The following CFAP58 variants were observed in gnomAD, a reference collection of about 807,000 sequenced individuals.
CFAP58 encodes cilia and flagella associated protein 58.
CFAP58 carries 88 observed loss-of-function variants against 119.5 expected under a neutral mutation model. The observed-to-expected ratio is 0.74, with a 90% confidence interval of 0.62 to 0.88. The LOEUF (loss-of-function observed/expected upper bound fraction) is 0.88, where lower values mean the gene tolerates loss of function less well. Among genes scored for constraint, CFAP58 ranks in the 40% least tolerant of loss-of-function variants. The pLI is 0.00. For synonymous variants in CFAP58, 365 were observed against 366.3 expected, an observed-to-expected ratio of 1.00 and a Z score of 0.04; for missense variants, 990 against 1,021.2, an observed-to-expected ratio of 0.97 and a Z score of 0.42.
chr10:104,406,623 A>T, intron 14 of CFAP58, 66 bp from the exon 15 acceptor site: 1 of 1,257,208 alleles, frequency 8.0e-7, no homozygotes, highest in Non-Finnish European at 1.2e-6. Context: ...TGTGCATTTT[A>T]CATAGAGGCC....
In CFAP58 at chr10:104,368,952, T is replaced by C. The variant is rs182308516; in HGVS notation, c.930+392T>C. Among the ~76,000 whole-genome samples, 605 of 152,334 alleles carry C rather than the reference T, an allele frequency of 4.0e-3. 6 individuals are homozygous for C. The highest frequency in any genetic ancestry group is 0.014 in the African/African-American group (568 of 41,582). ...ATGGAATGGCTGGGAGAGAGACTGATACTACCTAGGGTCTACTTACAGGAT... is the reference window on the plus strand; with the variant it reads ...ATGGAATGGCTGGGAGAGAGACTGACACTACCTAGGGTCTACTTACAGGAT... On this transcript the variant is annotated intron_variant, in intron 6 of 17. Transcript: ENST00000369704.
chr10:104,442,841 G>A (rs2013060384), intron 15 of CFAP58, among the ~76,000 whole-genome samples: 1 of 152,202 alleles, frequency 6.6e-6, no homozygotes, highest in Non-Finnish European at 1.5e-5. Flanking sequence ...ATTGCTCGAA[G>A]TGATGGAACT....
At position 104,364,268 on chromosome 10, in the gene CFAP58, G is replaced by A. The variant is rs146318653; in HGVS notation, c.441-465G>A. Among the ~76,000 whole-genome samples, 4 of 152,166 alleles carry A rather than the reference G, an allele frequency of 2.6e-5. No individual in the cohort carries two copies. In the East Asian group the frequency reaches 7.7e-4, roughly 29 times the overall value. On this transcript the variant is annotated intron_variant, in intron 3 of 17. Transcript: ENST00000369704. Reference sequence around the variant, plus strand: ...AGTTTCCTAAATTGACATCTGCTTAGGATTAATTACCAGAGTTGACAATAG... The same window carrying A: ...AGTTTCCTAAATTGACATCTGCTTAAGATTAATTACCAGAGTTGACAATAG...
chr10:104,440,012 C>T (rs1282458652), intron 15 of CFAP58, among the ~76,000 whole-genome samples: 2 of 152,080 alleles, frequency 1.3e-5, no homozygotes, highest in African/African-American at 4.8e-5. Context: ...TTAGTAGAGA[C>T]GGGGTTTCAC....
Position 104,353,840 on chromosome 10 carries a change from G to T in CFAP58, c.-58G>T. 6.3e-7 allele frequency: 1 copy of T among 1,587,550 alleles called. No individual in the cohort carries two copies. The highest frequency in any genetic ancestry group is 8.6e-7 in the Non-Finnish European group (1 of 1,160,888). On this transcript the variant is annotated 5_prime_UTR_variant, in exon 1 of 18. Coordinates refer to ENST00000369704, the MANE Select transcript of CFAP58 (RefSeq NM_001008723.2). ...GCCTTTAGCTTCTTTCCCAGACTCCGGCCCAGCTCCTGCGATCTCCACAGC... is the reference window on the plus strand; with the variant it reads ...GCCTTTAGCTTCTTTCCCAGACTCCTGCCCAGCTCCTGCGATCTCCACAGC...
At chr10:104,437,992 G>C (rs142646846) in intron 15 of CFAP58, among the ~76,000 whole-genome samples, 134 of 152,190 alleles carry the variant, frequency 8.8e-4, no homozygotes, top group African/African-American at 3.1e-3. Flanking sequence ...ATGTGAACAG[G>C]CATTTCTCAG....
intron 15 of CFAP58, among the ~76,000 whole-genome samples, chr10:104,441,934 G>C (rs1312646215): frequency 6.6e-6 from 1 of 152,034 alleles, no homozygotes; most frequent in African/African-American, 2.4e-5. Context: ...CAGGGTATTA[G>C]GCATTATTTT....
chr10:104,438,336 T>TTTG lies in CFAP58; in HGVS notation c.2257-9360_2257-9359insGTT, dbSNP rs2012969379. On this transcript the variant is annotated intron_variant, in intron 15 of 17. Transcript: ENST00000369704. ...ATGGGAATTTTTATTGTTTTTTTGT[T>TTTG]TTTTGTTTTTTGTTTTTTTTTTTTG... 2.2e-5 allele frequency among the ~76,000 whole-genome samples: 3 copies of TTTG among 133,870 alleles called. 1 individual carries two copies. Among genetic ancestry groups the TTTG allele is most frequent in the African/African-American group, 9.6e-5 (3 of 31,356 alleles). The allele number at this position is 133,870 out of a possible 152,430, so 87.8% of individuals were successfully genotyped here. A position where few individuals can be genotyped will look rare whatever the true frequency, so the allele number is the denominator to read the frequency against.
In CFAP58 at chr10:104,399,357, C is replaced by T. The variant is rs966795304; in HGVS notation, c.1675-3C>T. The T allele has an allele frequency of 1.9e-6, 3 of 1,613,064 alleles. No individual in the cohort carries two copies. Among genetic ancestry groups the T allele is most frequent in the African/African-American group, 2.7e-5 (2 of 74,848 alleles). ...TTTGCCTGTATCTTCCACTCTTTGT[C>T]AGGCTGAGCTGCAGAAGCTGAGACA... On this transcript the variant is annotated splice_polypyrimidine_tract_variant and splice_region_variant and intron_variant, in intron 11 of 17. Transcript: ENST00000369704.
chr10:104,363,057 C>A (rs1010681992), intron 3 of CFAP58, among the ~76,000 whole-genome samples: 2 of 152,228 alleles, frequency 1.3e-5, no homozygotes, highest in Non-Finnish European at 2.9e-5. Flanking sequence ...ACTGTCTTAA[C>A]TTCATCACCA....
At chr10:104,357,806 CATATATATGT>C (rs2014565907) in intron 1 of CFAP58, among the ~76,000 whole-genome samples, 2 of 145,446 alleles carry the variant, frequency 1.4e-5, no homozygotes, top group African/African-American at 5.4e-5. Context: ...TATATACACA[CATATATATGT>C]ACATATATAC....
intron 7 of CFAP58, among the ~76,000 whole-genome samples, chr10:104,372,826 C>G (rs778385200): frequency 3.9e-5 from 6 of 152,202 alleles, no homozygotes; most frequent in Non-Finnish European, 5.9e-5. Context: ...CATTCTCTCT[C>G]TTTTGACTAC....
chr10:104,431,264 A>G (rs2012842978), intron 15 of CFAP58, among the ~76,000 whole-genome samples: 1 of 152,238 alleles, frequency 6.6e-6, no homozygotes, highest in Non-Finnish European at 1.5e-5. Context: ...CAGTTCTTAT[A>G]TGTGACAAAG....
intron 15 of CFAP58, among the ~76,000 whole-genome samples, chr10:104,441,629 A>G (rs1463453439): frequency 6.6e-6 from 1 of 152,230 alleles, no homozygotes; most frequent in African/African-American, 2.4e-5. Flanking sequence ...TACATCAGAA[A>G]GCACCAGAAG....
rs182523944 is a variant in CFAP58, at chr10:104,389,154, C to T, written c.1366-3079C>T. Among the ~76,000 whole-genome samples the T allele has an allele frequency of 7.2e-5, 11 of 152,268 alleles. No individual in the cohort carries two copies. The East Asian group carries it at 1.9e-3, about 27-fold the overall frequency. On this transcript the variant is annotated intron_variant, in intron 9 of 17. Transcript: ENST00000369704. ...ATTTGAACTTCTGCATGACTTTGGC[C>T]TGAATGATTTCCATAAAAATAAACC...
intron 9 of CFAP58, among the ~76,000 whole-genome samples, chr10:104,388,621 G>T (rs2011972264): frequency 6.6e-6 from 1 of 152,140 alleles, no homozygotes; most frequent in African/African-American, 2.4e-5. Flanking sequence ...TCAAACCATT[G>T]ACATCAAGTC....
rs114132165 is a variant in CFAP58, at chr10:104,428,568, C to T, written c.2257-19130C>T. On this transcript the variant is annotated intron_variant, in intron 15 of 17. Transcript: ENST00000369704. ...GGAGTGATGCGTGCTCTTCTCGTCA[C>T]TGGTAAACATTTTAAAGAGAGGGAT... Among the ~76,000 whole-genome samples the T allele has an allele frequency of 4.0e-3, 605 of 152,306 alleles. 3 individuals carry two copies. Among genetic ancestry groups the T allele is most frequent in the African/African-American group, 0.014 (583 of 41,558 alleles).
chr10:104,409,497 C>T (rs1435999798), intron 15 of CFAP58, among the ~76,000 whole-genome samples: 8 of 152,040 alleles, frequency 5.3e-5, no homozygotes, highest in East Asian at 1.9e-4. Flanking sequence ...TCTGTTTGTT[C>T]GTTAGATCAA....
the CFAP58 span, among the ~76,000 whole-genome samples, chr10:104,340,827 G>A: frequency 1.3e-5 from 2 of 152,074 alleles, no homozygotes; most frequent in Non-Finnish European, 2.9e-5. Flanking sequence ...ATAAAGACAG[G>A]GATCTGGACT....
Sources: allele counts gnomAD v4.1 joint callset (sites outside exome capture counted in the v4.1 genomes callset), GRCh38; gene constraint gnomAD v4.1.1; transcripts MANE v1.5; gene names NCBI Gene and HGNC (gene_info 2026-07-23, HGNC 2026-07-21).